Variants in LARGE1 observed in about 807,000 individuals in gnomAD.
The protein encoded by LARGE1 is LARGE xylosyl- and glucuronyltransferase 1.
In LARGE1, 43 loss-of-function variants were observed where a neutral mutation model predicts 87.6. That is an observed-to-expected ratio of 0.49 (90% CI 0.38 to 0.63). The LOEUF (loss-of-function observed/expected upper bound fraction) is 0.63, where lower values mean the gene tolerates loss of function less well. LARGE1 is among the 30% of genes least tolerant of loss of function. The probability of loss-of-function intolerance (pLI) is 0.00; values close to 1 mark genes in which losing one functional copy is unlikely to be tolerated. For missense variants in LARGE1, 802 were observed against 1,000.2 expected (o/e 0.80, Z 2.67); for synonymous variants, 434 against 394.6 (o/e 1.10, Z -1.18).
At chr22:33,521,167 T>C (rs922014006) in intron 6 of LARGE1, among the ~76,000 whole-genome samples, 1 of 152,246 alleles carries the variant, frequency 6.6e-6, no homozygotes, top group African/African-American at 2.4e-5. Flanking sequence ...AATACGTGGT[T>C]CTTAAAAAGT....
At chr22:33,226,676 A>T (rs1275989681) in intron 11 of LARGE1, among the ~76,000 whole-genome samples, 2 of 152,142 alleles carry the variant, frequency 1.3e-5, no homozygotes, top group Non-Finnish European at 2.9e-5. Context: ...CTCACTAGAG[A>T]TGCACCCACC....
chr22:33,350,245 T>C (rs1346711408), intron 9 of LARGE1, among the ~76,000 whole-genome samples: 2 of 152,174 alleles, frequency 1.3e-5, no homozygotes, highest in Admixed American at 6.5e-5. Flanking sequence ...CTGGATTCTG[T>C]TACATGCAAA....
chr22:33,452,051 G>A (rs1344617267), intron 6 of LARGE1, among the ~76,000 whole-genome samples: 1 of 152,130 alleles, frequency 6.6e-6, no homozygotes, highest in Non-Finnish European at 1.5e-5. Context: ...TCATTCAGCT[G>A]TTTGTTTATT....
intron 6 of LARGE1, among the ~76,000 whole-genome samples, chr22:33,443,020 T>C (rs539691031): frequency 3.9e-5 from 6 of 152,180 alleles, no homozygotes; most frequent in African/African-American, 1.4e-4. Flanking sequence ...TCTCGATCTC[T>C]TGACCTCATG....
intron 11 of LARGE1, among the ~76,000 whole-genome samples, chr22:33,226,363 A>C (rs146813898): frequency 6.6e-6 from 1 of 152,212 alleles, no homozygotes; most frequent in African/African-American, 2.4e-5. Flanking sequence ...AATACACAGC[A>C]AACACAAGGT....
At chr22:33,819,668 ACCT>A (rs2086761765) in intron 1 of LARGE1, among the ~76,000 whole-genome samples, 1 of 151,740 alleles carries the variant, frequency 6.6e-6, no homozygotes, top group Non-Finnish European at 1.5e-5. Context: ...TTTAATCCCC[ACCT>A]CCTCAACCAC....
rs367927754 is a variant in LARGE1, at chr22:33,252,081, C to A, written c.1730+52148G>T. On this transcript the variant is annotated intron_variant, in intron 11 of 11. Coordinates refer to the LARGE1 transcript ENST00000608642. ...TTAGTAAAGGCTACTAAATACATGGCAAAGCTAATCTTAGAAATTTTTTAT... is the reference window on the plus strand; with the variant it reads ...TTAGTAAAGGCTACTAAATACATGGAAAAGCTAATCTTAGAAATTTTTTAT... Among the ~76,000 whole-genome samples the A allele has an allele frequency of 5.3e-4, 80 of 152,294 alleles. No individual in the cohort carries two copies. The South Asian group carries it at 0.016, about 31-fold the overall frequency.
At chr22:33,599,842 C>T (rs1283928811) in intron 5 of LARGE1, among the ~76,000 whole-genome samples, 2 of 152,158 alleles carry the variant, frequency 1.3e-5, no homozygotes, top group East Asian at 1.9e-4. Flanking sequence ...CTGTGGAACA[C>T]GGCGCAAGTC....
In LARGE1 at chr22:33,820,074, CAT is replaced by C. The variant is rs142943046; in HGVS notation, c.-82-58518_-82-58517del. Among the ~76,000 whole-genome samples the C allele has an allele frequency of 1.5e-3, 228 of 152,274 alleles. 3 individuals are homozygous for C. The East Asian group carries it at 0.027, about 18-fold the overall frequency. ...ACCTCCCCTGCTTTCACTCACCCCA[CAT>C]AGTTACTCATTCTGTGAGTGCAAAA... On this transcript the variant is annotated intron_variant, in intron 1 of 14. Coordinates refer to ENST00000397394, the MANE Select transcript of LARGE1 (RefSeq NM_133642.5).
intron 7 of LARGE1, among the ~76,000 whole-genome samples, chr22:33,420,911 G>C (rs1005716379): frequency 6.6e-6 from 1 of 152,184 alleles, no homozygotes; most frequent in African/African-American, 2.4e-5. Flanking sequence ...AGGAAGGCTG[G>C]GCGCGGTGGC....
chr22:33,737,392 A>G (rs1379545663), intron 2 of LARGE1, among the ~76,000 whole-genome samples: 1 of 152,206 alleles, frequency 6.6e-6, no homozygotes, highest in Non-Finnish European at 1.5e-5. Context: ...GTTTTGTGGA[A>G]GTAACACACG....
chr22:33,749,797 A>G (rs956057098), intron 2 of LARGE1, among the ~76,000 whole-genome samples: 2 of 152,074 alleles, frequency 1.3e-5, no homozygotes, highest in Non-Finnish European at 2.9e-5. Context: ...CCCCATTTTC[A>G]CTTGTCTCAG....
chr22:33,548,281 C>G (rs891460874), intron 6 of LARGE1, among the ~76,000 whole-genome samples: 1 of 152,228 alleles, frequency 6.6e-6, no homozygotes, highest in South Asian at 2.1e-4. Context: ...TGCCTGCCCC[C>G]GCTCTGCCTT....
At chr22:33,263,829 A>T (rs1927779724) in intron 11 of LARGE1, among the ~76,000 whole-genome samples, 2 of 152,222 alleles carry the variant, frequency 1.3e-5, no homozygotes, top group African/African-American at 4.8e-5. Flanking sequence ...ACTGGATGCC[A>T]TTTCATCTCC....
chr22:33,255,082 C>T (rs897369807), intron 11 of LARGE1, among the ~76,000 whole-genome samples: 2 of 148,516 alleles, frequency 1.3e-5, no homozygotes, highest in African/African-American at 2.4e-5. Context: ...GGATTACAGG[C>T]GTCTGCCACC....
At chr22:33,882,021 G>C (rs565635131) in intron 1 of LARGE1, among the ~76,000 whole-genome samples, 2 of 148,982 alleles carry the variant, frequency 1.3e-5, no homozygotes, top group Non-Finnish European at 3.0e-5. Flanking sequence ...TCTTTGCGGG[G>C]TTTTTTTGTT....
At chr22:33,448,733 G>C (rs761694154) in intron 6 of LARGE1, among the ~76,000 whole-genome samples, 7 of 152,096 alleles carry the variant, frequency 4.6e-5, no homozygotes, top group Non-Finnish European at 1.0e-4. Context: ...CAGCCTCCCT[G>C]CCTCCCCAAC....
intron 1 of LARGE1, among the ~76,000 whole-genome samples, chr22:33,915,556 G>T (rs964500015): frequency 3.3e-5 from 5 of 152,034 alleles, no homozygotes; most frequent in Non-Finnish European, 7.4e-5. Context: ...GGTTGATAAG[G>T]GACCCTTTCT....
At position 33,273,067 on chromosome 22, in the gene LARGE1, G is replaced by T; in HGVS notation, c.*1360C>A. On this transcript the variant is annotated 3_prime_UTR_variant, in exon 15 of 15. Transcript: ENST00000397394. ...GTCTCAGTAGCTTCCTGCAAGAGTG[G>T]GAGGGGAATGGGGAAGAAACAGTCT... 1 of 207,714 alleles carries T rather than the reference G, an allele frequency of 4.8e-6. No homozygotes were observed. 12.9% of individuals were successfully genotyped at this position (207,714 alleles called of 1,614,324 possible).
Sources: allele counts gnomAD v4.1 joint callset (sites outside exome capture counted in the v4.1 genomes callset), GRCh38; gene constraint gnomAD v4.1.1; transcripts MANE v1.5; gene names NCBI Gene and HGNC (gene_info 2026-07-23, HGNC 2026-07-21).